BTG4: variants seen among roughly 807,000 people sequenced by gnomAD.
BTG4 encodes the protein protein BTG4.
BTG4 carries 10 observed loss-of-function variants against 19.3 expected under a neutral mutation model. The ratio of observed to expected loss-of-function variants is 0.52; its 90% CI spans 0.32 to 0.88. BTG4 has a LOEUF of 0.88. Ranked by LOEUF, BTG4 falls within the 40% of genes least tolerant of loss-of-function variation. BTG4 has a pLI of 0.04. For missense variants in BTG4, 238 were observed against 281.9 expected (o/e 0.84, Z 1.11); for synonymous variants, 91 against 95.7 (o/e 0.95, Z 0.29).
the BTG4 span, among the ~76,000 whole-genome samples, chr11:111,446,076 C>T: frequency 6.6e-6 from 1 of 152,196 alleles, no homozygotes; most frequent in South Asian, 2.1e-4. Context: ...GGTTACAGAA[C>T]ATCCCTTAAG....
At chr11:111,456,632 C>A in the BTG4 span, 1 of 434,972 alleles carries the variant, frequency 2.3e-6, no homozygotes, top group Non-Finnish European at 4.7e-6. The surrounding 1 kb of genome is among the most constrained non-coding windows in gnomAD (Gnocchi z 4.2). Flanking sequence ...TCCATACCCC[C>A]TGGCTACTTC....
intron 5 of BTG4, among the ~76,000 whole-genome samples, chr11:111,485,040 G>A (rs1488030585): frequency 1.3e-5 from 2 of 152,056 alleles, no homozygotes; most frequent in African/African-American, 4.8e-5. Flanking sequence ...AATGATAAGG[G>A]GGTCAATTCA....
At chr11:111,506,373 C>A (rs1291989709) in intron 1 of BTG4, among the ~76,000 whole-genome samples, 4 of 151,998 alleles carry the variant, frequency 2.6e-5, no homozygotes, top group Admixed American at 6.6e-5. Flanking sequence ...AGTCAACTAA[C>A]CCAGAAGCAG....
the BTG4 span, among the ~76,000 whole-genome samples, chr11:111,447,025 TC>T: frequency 6.6e-6 from 1 of 152,108 alleles, no homozygotes; most frequent in Non-Finnish European, 1.5e-5. Context: ...TGCGTGGCTG[TC>T]CCCCCACAGG....
intron 1 of BTG4, among the ~76,000 whole-genome samples, chr11:111,501,170 G>C (rs1300886541): frequency 6.6e-6 from 1 of 152,022 alleles, no homozygotes; most frequent in East Asian, 1.9e-4. Flanking sequence ...GTTTGAGGCC[G>C]GCCTGGGCAA....
chr11:111,506,582 C>T (rs1210478349), intron 1 of BTG4, among the ~76,000 whole-genome samples: 1 of 151,894 alleles, frequency 6.6e-6, no homozygotes, highest in African/African-American at 2.4e-5. Context: ...GCATGTAATA[C>T]CCATGTAACA....
chr11:111,460,269 G>T, the BTG4 span: 1 of 152,630 alleles, frequency 6.6e-6, no homozygotes, highest in African/African-American at 2.4e-5. Context: ...AGAAAGCCTG[G>T]TCCTGTCATT....
At chr11:111,458,805 C>A in the BTG4 span, among the ~76,000 whole-genome samples, 1 of 152,088 alleles carries the variant, frequency 6.6e-6, no homozygotes, top group South Asian at 2.1e-4. Flanking sequence ...CCACAAATAA[C>A]AACAAAACAA....
At chr11:111,487,614 C>A (rs1183174584) in intron 5 of BTG4, among the ~76,000 whole-genome samples, 2 of 151,866 alleles carry the variant, frequency 1.3e-5, no homozygotes, top group African/African-American at 4.8e-5. Context: ...CCCAGAACAA[C>A]TAGATGAGAG....
the BTG4 span, among the ~76,000 whole-genome samples, chr11:111,423,085 C>T: frequency 1.3e-5 from 2 of 152,156 alleles, no homozygotes; most frequent in African/African-American, 2.4e-5. Flanking sequence ...TCAGCAGACA[C>T]CTCAGGTTCC....
chr11:111,414,332 G>A, the BTG4 span: 2 of 152,130 alleles, frequency 1.3e-5, no homozygotes, highest in African/African-American at 2.4e-5. Context: ...CAGGGAGAGC[G>A]GTCCAGGTGG....
At chr11:111,499,520 T>C (rs1162477024) in intron 1 of BTG4, among the ~76,000 whole-genome samples, 1 of 152,236 alleles carries the variant, frequency 6.6e-6, no homozygotes, top group Non-Finnish European at 1.5e-5. Flanking sequence ...ATTTTCAAAC[T>C]GGATCTATAT....
At chr11:111,413,239 A>C in the BTG4 span, among the ~76,000 whole-genome samples, 1 of 152,246 alleles carries the variant, frequency 6.6e-6, no homozygotes, top group Non-Finnish European at 1.5e-5. Flanking sequence ...CCGATCACAA[A>C]GTCCTTTTAT....
downstream of BTG4, among the ~76,000 whole-genome samples, chr11:111,491,569 G>A (rs180851830): frequency 2.5e-4 from 38 of 151,866 alleles, no homozygotes; most frequent in Middle Eastern, 6.8e-3. Context: ...GCAACATAGC[G>A]AGACCTCGTT....
At chr11:111,472,363 C>T (rs963826438) in intron 5 of BTG4, among the ~76,000 whole-genome samples, 3 of 152,208 alleles carry the variant, frequency 2.0e-5, no homozygotes, top group Non-Finnish European at 4.4e-5. Flanking sequence ...CAGTGTTTCT[C>T]ACCCAGGAGG....
At chr11:111,502,149 T>C (rs1866126506) in intron 1 of BTG4, among the ~76,000 whole-genome samples, 1 of 151,902 alleles carries the variant, frequency 6.6e-6, no homozygotes, top group South Asian at 2.1e-4. Flanking sequence ...TTTTTTTTTT[T>C]TCAACAGAGA....
At chr11:111,512,847 AG>A, upstream of BTG4, 1 of 384,684 alleles carries the variant, frequency 2.6e-6, no homozygotes, top group Non-Finnish European at 5.2e-6. Flanking sequence ...CAGCCATGGT[AG>A]GGCGTCCCCC....
chr11:111,508,877 A>G (rs1866652022), intron 1 of BTG4, among the ~76,000 whole-genome samples: 1 of 151,500 alleles, frequency 6.6e-6, no homozygotes, highest in Non-Finnish European at 1.5e-5. Flanking sequence ...ATATATACAC[A>G]CATTGTCCAT....
At chr11:111,495,429 G>T in intron 4 of BTG4, 115 bp from the exon 5 acceptor site, 1 of 873,906 alleles carries the variant, frequency 1.1e-6, no homozygotes. Context: ...GAATAGAATT[G>T]AAAGTGCATA....
Sources: allele counts gnomAD v4.1 joint callset (sites outside exome capture counted in the v4.1 genomes callset), GRCh38; gene constraint gnomAD v4.1.1; non-coding constraint Gnocchi (gnomAD v3.1); transcripts MANE v1.5; gene names NCBI Gene and HGNC (gene_info 2026-07-23, HGNC 2026-07-21).